OR5A2: variants seen among roughly 807,000 people sequenced by gnomAD.
OR5A2 encodes the protein olfactory receptor family 5 subfamily A member 2, also known as olfactory receptor 5A2.
For missense variants in OR5A2, 406 were observed against 398.9 expected (o/e 1.02, Z -0.15); for synonymous variants, 155 against 151.1 (o/e 1.03, Z -0.19).
intron 1 of OR5A2, chr11:59,423,284 C>T (rs1026503006): frequency 4.5e-6 from 1 of 223,078 alleles, no homozygotes; most frequent in Admixed American, 5.0e-5. Flanking sequence ...GTCATTTCTC[C>T]AGATTCTCAT....
chr11:59,425,671 A>T (rs556597986), intron 1 of OR5A2: 1 of 152,358 alleles, frequency 6.6e-6, no homozygotes, highest in East Asian at 1.9e-4. Flanking sequence ...CTTAAAGATT[A>T]GAAGCAAGAT....
chr11:59,421,958 C>A lies in OR5A2; in HGVS notation c.*21G>T. 1.3e-6 allele frequency: 2 copies of A among 1,565,596 alleles called. No individual in the cohort carries two copies. On this transcript the variant is annotated 3_prime_UTR_variant, in exon 2 of 2. Transcript: ENST00000302040. ...GTAAATGTCTGCACAATTCACCTAG[C>A]TCACAGCTTCATTGTAAACATTAGC...
rs1171926073 is a variant in OR5A2 at position 59,422,732 on chromosome 11, A to G, written c.222T>C (p.Tyr74=). Residue 74 remains tyrosine, a synonymous_variant, in exon 2 of 2, where the codon TAT becomes TAC. Coordinates refer to ENST00000302040, the MANE Select transcript of OR5A2 (RefSeq NM_001001954.2). Reference sequence around the variant, plus strand: ...GCATCTTAGGGGCGGTGGAGGACACATAGCAGATGTCCAGGAAGGACAGGT... The same window carrying G: ...GCATCTTAGGGGCGGTGGAGGACACGTAGCAGATGTCCAGGAAGGACAGGT... ...LSNLSFLDIC[Y]VSSTAPKMLS... 1.9e-6 allele frequency: 3 copies of G among 1,614,040 alleles called. No individual in the cohort carries two copies. In the African/African-American group the frequency reaches 4.0e-5, roughly 22 times the overall value.
rs763393224 is a variant in OR5A2 at position 59,422,778 on chromosome 11, G to A, written c.176C>T (p.Pro59Leu). Residue 59 changes from proline (P) to leucine (L), a missense_variant, in exon 2 of 2, where the codon CCC becomes CTC. Pro to Leu is a moderately conservative substitution (Grantham distance 98). Transcript: ENST00000302040. ...CAGGTTACTGAGGAAGAAGTACATG[G>A]GCATGTGCAGGTGAGAGTCCATCTT... The part of the protein sequence containing the change: ...LIKMDSHLHM[P>L]MYFFLSNLSF... The A allele has an allele frequency of 3.5e-5, 57 of 1,613,976 alleles. No homozygotes were observed. The highest frequency in any genetic ancestry group is 4.6e-5 in the Non-Finnish European group (54 of 1,179,994).
chr11:59,423,593 T>C (rs1858259588), intron 1 of OR5A2: 1 of 151,978 alleles, frequency 6.6e-6, no homozygotes, highest in Non-Finnish European at 1.5e-5. Context: ...AAAATTTGTG[T>C]GTGTGTGTGT....
Position 59,422,162 on chromosome 11 carries a change from A to T in OR5A2, c.792T>A (p.Ser264Arg). 6.2e-7 allele frequency: 1 copy of T among 1,614,142 alleles called. No individual in the cohort carries two copies. Among genetic ancestry groups the T allele is most frequent in the East Asian group, 2.2e-5 (1 of 44,884 alleles). ...TGTCCCTGTTTAGGGAGTAGCTGGA[A>T]CTGGGTCGCATGTACATGAAGAATC... is the stretch of plus-strand genomic sequence containing the variant. The part of the protein sequence containing the change: ...GSGFFMYMRP[S>R]SSYSLNRDKV... The change falls in exon 2 of 2, where the codon AGT (serine) becomes AGA (arginine). Residue 264 changes from serine (S) to arginine (R), a missense_variant. Ser to Arg is a moderately radical substitution (Grantham distance 110). Transcript: ENST00000302040.
intron 1 of OR5A2, chr11:59,425,429 G>C (rs11605288): frequency 0.19 from 28,416 of 152,020 alleles, 3,432 homozygotes; most frequent in Non-Finnish European, 0.27. Context: ...TGTTATCCCC[G>C]GGGCCAATTT....
chr11:59,424,639 G>C (rs989685352), intron 1 of OR5A2: 2 of 152,096 alleles, frequency 1.3e-5, no homozygotes, highest in Non-Finnish European at 2.9e-5. Flanking sequence ...ATACAAATGC[G>C]TATAAAGAGG....
At position 59,421,799 on chromosome 11, in the gene OR5A2, A is replaced by G. The variant is rs1302922356; in HGVS notation, c.*180T>C. On this transcript the variant is annotated 3_prime_UTR_variant, in exon 2 of 2. Transcript: ENST00000302040. ...TTAAAATCTCAAACTATACAATGCTATTCATTTTACAAGCAACAATGGCCA... is the reference window on the plus strand; with the variant it reads ...TTAAAATCTCAAACTATACAATGCTGTTCATTTTACAAGCAACAATGGCCA... 6.1e-6 allele frequency: 3 copies of G among 489,704 alleles called. No homozygotes were observed. Among genetic ancestry groups the G allele is most frequent in the Non-Finnish European group, 1.0e-5 (3 of 294,424 alleles). The allele number at this position is 489,704 out of a possible 1,614,324, so 30.3% of individuals were successfully genotyped here.
rs1429391524 is a variant in OR5A2 at position 59,419,194 on chromosome 11, G to A, written c.*2785C>T. ...AGAAATCATAGAGATAGTAATATGG[G>A]TGCACCTGTTGGCTGAGACTGATAT... On this transcript the variant is annotated 3_prime_UTR_variant, in exon 2 of 2. Transcript: ENST00000302040. The A allele has an allele frequency of 2.0e-5, 3 of 152,116 alleles. No individual in the cohort carries two copies. Among genetic ancestry groups the A allele is most frequent in the Admixed American group, 6.6e-5 (1 of 15,254 alleles). The allele number at this position is 152,116 out of a possible 1,614,324, so 9.4% of individuals were successfully genotyped here. A position where few individuals can be genotyped will look rare whatever the true frequency, so the allele number is the denominator to read the frequency against.
At position 59,422,721 on chromosome 11, in the gene OR5A2, G is replaced by T. The variant is rs369546239; in HGVS notation, c.233C>A (p.Thr78Asn). The change falls in exon 2 of 2, where the codon ACC (threonine) becomes AAC (asparagine). Residue 78 changes from threonine (T) to asparagine (N), a missense_variant. Physicochemically the swap from Thr to Asn is moderately conservative, Grantham distance 65. Transcript: ENST00000302040. ...SFLDICYVSSTAPKMLSDIIT... is the reference protein window; with the variant it reads ...SFLDICYVSSNAPKMLSDIIT... ...GATGTCAGACAGCATCTTAGGGGCG[G>T]TGGAGGACACATAGCAGATGTCCAG... 1 of 1,614,172 alleles carries T rather than the reference G, an allele frequency of 6.2e-7. No homozygotes were observed. Among genetic ancestry groups the T allele is most frequent in the Non-Finnish European group, 8.5e-7 (1 of 1,180,024 alleles).
chr11:59,423,376 G>C (rs2134524014), intron 1 of OR5A2: 1 of 158,822 alleles, frequency 6.3e-6, no homozygotes, highest in African/African-American at 2.4e-5. Context: ...GGCTTTTTTA[G>C]ACTTTCTGAC....
rs1401089923 is a variant in OR5A2 at position 59,418,547 on chromosome 11, GC to G, written c.*3431del. On this transcript the variant is annotated 3_prime_UTR_variant, in exon 2 of 2. Coordinates refer to ENST00000302040, the MANE Select transcript of OR5A2 (RefSeq NM_001001954.2). ...CTCCTCCTTCAAATGGCTATAAAAT[GC>G]CTGATTCCTTAAGGGCCCAAAATAT... 6.6e-6 allele frequency: 1 copy of G among 152,030 alleles called. No individual in the cohort carries two copies. The highest frequency in any genetic ancestry group is 1.5e-5 in the Non-Finnish European group (1 of 68,010). 9.4% of individuals were successfully genotyped at this position (152,030 alleles called of 1,614,324 possible).
At position 59,422,656 on chromosome 11, in the gene OR5A2, T is replaced by A; in HGVS notation, c.298A>T (p.Thr100Ser). 2 of 1,614,032 alleles carry A rather than the reference T, an allele frequency of 1.2e-6. No homozygotes were observed. The highest frequency in any genetic ancestry group is 2.2e-5 in the East Asian group (1 of 44,862). Residue 100 changes from threonine (T) to serine (S), a missense_variant, in exon 2 of 2, where the codon ACT (threonine) becomes TCT (serine). Thr to Ser is a moderately conservative substitution (Grantham distance 58, BLOSUM62 1). Coordinates refer to ENST00000302040, the MANE Select transcript of OR5A2 (RefSeq NM_001001954.2). ...ATCCCACAGAAGACAAAGTACTGAGTGGCACAGCCAACAAAGGAAATGGTT... is the reference window on the plus strand; with the variant it reads ...ATCCCACAGAAGACAAAGTACTGAGAGGCACAGCCAACAAAGGAAATGGTT... ...QKTISFVGCA[T>S]QYFVFCGMGL...
chr11:59,422,024 G>A lies in OR5A2; in HGVS notation c.930C>T (p.Pro310=), dbSNP rs368372474. 1.7e-4 allele frequency: 270 copies of A among 1,613,312 alleles called. No individual in the cohort carries two copies. Among genetic ancestry groups the A allele is most frequent in the Middle Eastern group, 9.9e-4 (6 of 6,076 alleles). ...TGAATGGTCCACCGTGAGAAATCCC[G>A]GGGTCCCTTTCCATGGCTTTCCTCA... ...NAMRKAMERD[P]GISHGGPFIF... Residue 310 remains proline (P), a synonymous_variant, in exon 2 of 2, where the codon CCC becomes CCT. Transcript: ENST00000302040.
intron 1 of OR5A2, chr11:59,424,372 A>C (rs1204080157): frequency 1.3e-5 from 2 of 152,258 alleles, no homozygotes; most frequent in African/African-American, 4.8e-5. Flanking sequence ...ATGCCACTGC[A>C]CTCCAACCTG....
At position 59,422,408 on chromosome 11, in the gene OR5A2, G is replaced by A. The variant is rs148047586; in HGVS notation, c.546C>T (p.Leu182=). 6.2e-7 allele frequency: 1 copy of A among 1,614,160 alleles called. No homozygotes were observed. The highest frequency in any genetic ancestry group is 8.5e-7 in the Non-Finnish European group (1 of 1,180,026). The change falls in exon 2 of 2, where the codon CTC becomes CTT. Residue 182 remains leucine (L), a synonymous_variant. Transcript: ENST00000302040. ...PYMINHFFCD[L]PPVLALSCSD... is the part of the protein sequence containing the mutation. ...AGCAGGACAGAGCCAGGACTGGAGG[G>A]AGGTCACAGAAAAAGTGGTTGATCA...
Position 59,418,756 on chromosome 11 carries a change from C to A in OR5A2, c.*3223G>T, listed in dbSNP as rs1216516681. 6.6e-6 allele frequency: 1 copy of A among 151,990 alleles called. No homozygotes were observed. The highest frequency in any genetic ancestry group is 1.5e-5 in the Non-Finnish European group (1 of 67,992). 9.4% of individuals were successfully genotyped at this position (151,990 alleles called of 1,614,324 possible). A position where few individuals can be genotyped will look rare whatever the true frequency, so the allele number is the denominator to read the frequency against. ...ACTTACATTCTTCTTGGTAGTTGGG[C>A]AAACTGCAAAAATACCTTATATCTT... On this transcript the variant is annotated 3_prime_UTR_variant, in exon 2 of 2. Transcript: ENST00000302040.
In OR5A2 at chr11:59,422,171, C is replaced by T. The variant is rs755780941; in HGVS notation, c.783G>A (p.Met261Ile). The change falls in exon 2 of 2, where the codon ATG becomes ATA. Residue 261 changes from methionine (M) to isoleucine (I), a missense_variant. Transcript: ENST00000302040. ...LFYGSGFFMY[M>I]RPSSSYSLNR... ...TTAGGGAGTAGCTGGAACTGGGTCG[C>T]ATGTACATGAAGAATCCAGAACCAT... 2 of 1,614,102 alleles carry T rather than the reference C, an allele frequency of 1.2e-6. No individual in the cohort carries two copies. Among genetic ancestry groups the T allele is most frequent in the East Asian group, 2.2e-5 (1 of 44,888 alleles).
Sources: allele counts gnomAD v4.1 joint callset, GRCh38; gene constraint gnomAD v4.1.1; transcripts MANE v1.5; gene names NCBI Gene and HGNC (gene_info 2026-07-23, HGNC 2026-07-21).